The following PDE7A variants were observed in gnomAD, a reference collection of about 807,000 sequenced individuals.
PDE7A encodes high affinity 3',5'-cyclic-AMP phosphodiesterase 7A.
A neutral mutation model predicts 64.3 loss-of-function variants in PDE7A; 39 were observed. The observed-to-expected ratio is 0.61, with a 90% confidence interval of 0.47 to 0.79. PDE7A has a LOEUF of 0.79. Ranked by LOEUF, PDE7A falls within the 30% of genes least tolerant of loss-of-function variation. The probability of loss-of-function intolerance (pLI) is 0.00; values close to 1 mark genes in which losing one functional copy is unlikely to be tolerated. For missense variants in PDE7A, 470 were observed against 582.8 expected, an observed-to-expected ratio of 0.81 and a Z score of 1.99; for synonymous variants, 203 against 206.8, an observed-to-expected ratio of 0.98 and a Z score of 0.16.
At chr8:65,745,320 G>A in intron 5 of PDE7A, 87 bp downstream of exon 5, 1 of 799,666 alleles carries the variant, frequency 1.3e-6, no homozygotes, top group Non-Finnish European at 2.2e-6. Flanking sequence ...CCTTAGTACA[G>A]TAAATGAAAG....
In PDE7A at chr8:65,716,632, T is replaced by C. The variant is rs921139813; in HGVS notation, c.*2658A>G. Among the ~76,000 whole-genome samples the C allele has an allele frequency of 6.6e-6, 1 of 152,140 alleles. No individual in the cohort carries two copies. The highest frequency in any genetic ancestry group is 2.4e-5 in the African/African-American group (1 of 41,428). On this transcript the variant is annotated 3_prime_UTR_variant, in exon 13 of 13. Transcript: ENST00000401827. ...CTCATAATTTGGCTTCCCAGGAAGA[T>C]TTGCCTAAAGGGAGAGAATAATTGA...
intron 1 of PDE7A, among the ~76,000 whole-genome samples, chr8:65,805,377 T>C (rs562018026): frequency 6.6e-6 from 1 of 152,304 alleles, no homozygotes; most frequent in South Asian, 2.1e-4. Context: ...GAAAACAATT[T>C]TCAAAAGTAG....
At chr8:65,789,341 G>T (rs1245119260) in intron 1 of PDE7A, among the ~76,000 whole-genome samples, 1 of 152,218 alleles carries the variant, frequency 6.6e-6, no homozygotes, top group Admixed American at 6.5e-5. Flanking sequence ...AAAATGTGTG[G>T]CAGTACTAAA....
intron 1 of PDE7A, among the ~76,000 whole-genome samples, chr8:65,811,705 A>G (rs773623121): frequency 4.6e-5 from 7 of 152,124 alleles, no homozygotes; most frequent in South Asian, 2.1e-4. Flanking sequence ...AAATTCAAAC[A>G]ATTCCAGTAA....
At chr8:65,728,018 C>G (rs1239889555) in intron 7 of PDE7A, 1 of 152,156 alleles carries the variant, frequency 6.6e-6, no homozygotes, top group East Asian at 1.9e-4. Flanking sequence ...AAAAAGATCA[C>G]CTTGACTATA....
At chr8:65,736,442 T>C (rs188135204) in intron 6 of PDE7A, among the ~76,000 whole-genome samples, 1 of 152,170 alleles carries the variant, frequency 6.6e-6, no homozygotes, top group Admixed American at 6.5e-5. Context: ...ATACTACTTA[T>C]AATTAATACA....
intron 3 of PDE7A, among the ~76,000 whole-genome samples, chr8:65,759,572 A>C (rs924553351): frequency 6.6e-6 from 1 of 152,198 alleles, no homozygotes; most frequent in African/African-American, 2.4e-5. Context: ...GGTGACTCTA[A>C]GTGTCCAATC....
intron 1 of PDE7A, among the ~76,000 whole-genome samples, chr8:65,790,808 T>C (rs1205703281): frequency 6.6e-6 from 1 of 152,232 alleles, no homozygotes; most frequent in African/African-American, 2.4e-5. Flanking sequence ...GGTCTCTGAT[T>C]ACTCTGTCTT....
chr8:65,743,771 AT>A (rs2128904266), intron 5 of PDE7A, among the ~76,000 whole-genome samples: 1 of 152,314 alleles, frequency 6.6e-6, no homozygotes, highest in South Asian at 2.1e-4. Flanking sequence ...TGATTTCATT[AT>A]TCTAAAGTCA....
At chr8:65,721,432 A>G (rs779479056) in intron 12 of PDE7A, among the ~76,000 whole-genome samples, 2 of 152,208 alleles carry the variant, frequency 1.3e-5, no homozygotes, top group Admixed American at 6.5e-5. Flanking sequence ...TTTGAAGCCC[A>G]ACACCAACAG....
chr8:65,789,706 T>C (rs1209280170), intron 1 of PDE7A, among the ~76,000 whole-genome samples: 1 of 152,238 alleles, frequency 6.6e-6, no homozygotes, highest in East Asian at 1.9e-4. Flanking sequence ...CAAAGTATGC[T>C]TCTATTCATC....
chr8:65,783,666 A>C lies in PDE7A; in HGVS notation c.139-823T>G, dbSNP rs868775411. ...TTGTCTGCGTGTTACTAAAAGCTCC[A>C]CAAGAGCAGAAACTTTGTCTATCTT... On this transcript the variant is annotated intron_variant, in intron 1 of 12. Transcript: ENST00000401827. Among the ~76,000 whole-genome samples, 3 of 152,324 alleles carry C rather than the reference A, an allele frequency of 2.0e-5. No individual in the cohort carries two copies. In the South Asian group the frequency reaches 6.2e-4, roughly 32 times the overall value.
At chr8:65,771,585 C>T (rs1391788137) in intron 3 of PDE7A, among the ~76,000 whole-genome samples, 3 of 152,104 alleles carry the variant, frequency 2.0e-5, no homozygotes, top group South Asian at 2.1e-4. Flanking sequence ...CCTGGCTGGG[C>T]GCACGCAGTG....
intron 12 of PDE7A, 116 bp from the exon 13 acceptor site, chr8:65,719,611 T>C (rs1445256571): frequency 1.5e-6 from 1 of 683,004 alleles, no homozygotes. Flanking sequence ...CAGATCTTAT[T>C]CTTCAAAAGA....
intron 3 of PDE7A, among the ~76,000 whole-genome samples, chr8:65,777,335 T>C (rs1026036202): frequency 6.6e-6 from 1 of 152,142 alleles, no homozygotes. Flanking sequence ...CGCCTCAGCC[T>C]CCCAAAGTGC....
At chr8:65,840,398 G>GCA (rs746987926) in intron 1 of PDE7A, among the ~76,000 whole-genome samples, 3,989 of 109,574 alleles carry the variant, frequency 0.036, 68 homozygotes, top group East Asian at 0.066. Flanking sequence ...CACACTACCT[G>GCA]CACACACACA....
chr8:65,840,952 G>A (rs1424738123), intron 1 of PDE7A, among the ~76,000 whole-genome samples: 1 of 152,234 alleles, frequency 6.6e-6, no homozygotes, highest in Non-Finnish European at 1.5e-5. Flanking sequence ...GGGGAGGAGA[G>A]GCGCGAACCC....
chr8:65,761,064 C>CT (rs748642226), intron 3 of PDE7A, among the ~76,000 whole-genome samples: 110 of 143,066 alleles, frequency 7.7e-4, no homozygotes, highest in South Asian at 1.1e-3. Context: ...ATTGTTTTTT[C>CT]TTTTTTTTTT....
intron 1 of PDE7A, among the ~76,000 whole-genome samples, chr8:65,830,595 A>C (rs1417300729): frequency 6.6e-6 from 1 of 152,152 alleles, no homozygotes; most frequent in Non-Finnish European, 1.5e-5. Flanking sequence ...CTGAAAACGC[A>C]TTTCTGACAA....
Sources: allele counts gnomAD v4.1 joint callset (sites outside exome capture counted in the v4.1 genomes callset), GRCh38; gene constraint gnomAD v4.1.1; transcripts MANE v1.5; gene names NCBI Gene and HGNC (gene_info 2026-07-23, HGNC 2026-07-21).